The following PPP6R3 variants were observed in gnomAD, a reference collection of about 807,000 sequenced individuals.
PPP6R3 encodes the protein protein phosphatase 6 regulatory subunit 3.
Under a neutral mutation model 110.7 loss-of-function variants are expected in PPP6R3, and 38 were observed. That is an observed-to-expected ratio of 0.34 (90% confidence interval 0.26 to 0.45). The LOEUF is 0.45. Among genes scored for constraint, PPP6R3 ranks in the 20% least tolerant of loss-of-function variants. The pLI is 1.00. For missense variants in PPP6R3, 870 were observed against 1,062.4 expected, an observed-to-expected ratio of 0.82 and a Z score of 2.52; for synonymous variants, 369 against 373.5, an observed-to-expected ratio of 0.99 and a Z score of 0.14.
Position 68,610,085 on chromosome 11 carries a change from G to A in PPP6R3, c.2570+62G>A, listed in dbSNP as rs907307996. On this transcript the variant is annotated intron_variant, in intron 23 of 23. Transcript: ENST00000393800. Reference sequence around the variant, plus strand: ...CCCTGACCTTGCCTGTTGCTTCCTGGGAGTTGGGAGGGGACTATAGGGATC... The same window carrying A: ...CCCTGACCTTGCCTGTTGCTTCCTGAGAGTTGGGAGGGGACTATAGGGATC... The A allele has an allele frequency of 6.9e-6, 11 of 1,589,502 alleles. No individual in the cohort carries two copies. In the African/African-American group the frequency reaches 1.3e-4, roughly 19 times the overall value.
At chr11:68,588,231 G>A (rs1370885317) in intron 16 of PPP6R3, among the ~76,000 whole-genome samples, 1 of 152,112 alleles carries the variant, frequency 6.6e-6, no homozygotes, top group Non-Finnish European at 1.5e-5. Context: ...GGGTGCGGTG[G>A]CTCATGCCTG....
At chr11:68,549,818 T>A (rs1035380192) in intron 5 of PPP6R3, among the ~76,000 whole-genome samples, 12 of 152,132 alleles carry the variant, frequency 7.9e-5, no homozygotes, top group African/African-American at 2.9e-4. Flanking sequence ...AAGGTGTAGG[T>A]TGGGGAAAGG....
chr11:68,609,424 TG>T, intron 22 of PPP6R3: 1 of 741,408 alleles, frequency 1.3e-6, no homozygotes. Flanking sequence ...ATGGTGGGCT[TG>T]GCCCCAAAAG....
chr11:68,609,697 C>G, intron 22 of PPP6R3: 1 of 1,578,010 alleles, frequency 6.3e-7, no homozygotes, highest in Non-Finnish European at 8.7e-7. Context: ...TGTTTTGGTT[C>G]CCACCTGTGT....
chr11:68,559,322 T>C (rs2099410397), intron 8 of PPP6R3, among the ~76,000 whole-genome samples: 1 of 152,264 alleles, frequency 6.6e-6, no homozygotes, highest in African/African-American at 2.4e-5. Context: ...CTTTATAATT[T>C]ATGTCCAGTG....
At position 68,551,292 on chromosome 11, in the gene PPP6R3, A is replaced by T. The variant is rs527748993; in HGVS notation, c.618+106A>T. The T allele has an allele frequency of 2.2e-4, 183 of 822,412 alleles. No homozygotes were observed. The African/African-American group carries it at 3.0e-3, about 14-fold the overall frequency. The allele number at this position is 822,412 out of a possible 1,614,324, so 50.9% of individuals were successfully genotyped here. The stretch of plus-strand genomic sequence containing the variant: ...TTAAATGTGAACATGATCAGAGCAT[A>T]CAGGGAGAATAGCAGCGATCTAGTG... On this transcript the variant is annotated intron_variant, in intron 6 of 23. Transcript: ENST00000393800.
chr11:68,594,915 A>G (rs999224056), intron 18 of PPP6R3, among the ~76,000 whole-genome samples: 1 of 152,238 alleles, frequency 6.6e-6, no homozygotes, highest in African/African-American at 2.4e-5. Flanking sequence ...ATACAGGCCT[A>G]CGCATATATG....
intron 1 of PPP6R3, among the ~76,000 whole-genome samples, chr11:68,502,278 A>G (rs1175971891): frequency 2.0e-5 from 3 of 152,366 alleles, no homozygotes; most frequent in Middle Eastern, 3.4e-3. Flanking sequence ...AGGAAAATTG[A>G]GATGTTTTCA....
At chr11:68,610,451 G>A (rs1430453761) in intron 23 of PPP6R3, among the ~76,000 whole-genome samples, 5 of 152,164 alleles carry the variant, frequency 3.3e-5, no homozygotes, top group African/African-American at 4.8e-5. Flanking sequence ...TGCCCTGTGT[G>A]ACACAAGGAG....
intron 1 of PPP6R3, among the ~76,000 whole-genome samples, chr11:68,477,741 A>AAAAAAATATATATAT: frequency 3.3e-4 from 19 of 57,896 alleles, no homozygotes; most frequent in Non-Finnish European, 5.0e-4. Context: ...AAAAAAAAAA[A>AAAAAAATATATATAT]ATATATATAT....
intron 1 of PPP6R3, among the ~76,000 whole-genome samples, chr11:68,466,475 G>A (rs1004844279): frequency 4.5e-5 from 6 of 132,332 alleles, no homozygotes; most frequent in Non-Finnish European, 7.7e-5. Flanking sequence ...GTCTCGCTCT[G>A]TCACCCAGGC....
chr11:68,582,991 A>G, intron 14 of PPP6R3, 52 bp from the exon 15 acceptor site: 1 of 1,225,878 alleles, frequency 8.2e-7, no homozygotes, highest in Admixed American at 3.0e-5. Context: ...GCTGATACAA[A>G]TGTCCAAAAC....
intron 22 of PPP6R3, among the ~76,000 whole-genome samples, chr11:68,606,778 T>C (rs1356904051): frequency 6.6e-6 from 1 of 152,130 alleles, no homozygotes; most frequent in Non-Finnish European, 1.5e-5. Context: ...GAAAAGGAAA[T>C]AGAGTTATAG....
chr11:68,570,044 A>C (rs1215383774), intron 11 of PPP6R3, 147 bp downstream of exon 11: 1 of 716,368 alleles, frequency 1.4e-6, no homozygotes, highest in East Asian at 2.8e-5. Context: ...TTTCACTTTT[A>C]ACATATAAAT....
intron 16 of PPP6R3, 76 bp from the exon 17 acceptor site, chr11:68,590,584 G>A: frequency 7.1e-7 from 1 of 1,405,006 alleles, no homozygotes; most frequent in Non-Finnish European, 9.5e-7. Flanking sequence ...CTTAAATTTG[G>A]AAACTTTCAT....
chr11:68,539,946 AG>A (rs1424833455), intron 3 of PPP6R3, among the ~76,000 whole-genome samples: 2 of 152,314 alleles, frequency 1.3e-5, no homozygotes, highest in South Asian at 2.1e-4. Context: ...ACATCCAGGC[AG>A]GGGGAACAGC....
intron 10 of PPP6R3, among the ~76,000 whole-genome samples, chr11:68,568,866 G>A (rs944920072): frequency 6.6e-6 from 1 of 151,602 alleles, no homozygotes; most frequent in Non-Finnish European, 1.5e-5. Flanking sequence ...CTGGGTTCAC[G>A]CCATTCTCCT....
intron 10 of PPP6R3, 55 bp from the exon 11 acceptor site, chr11:68,569,693 G>A (rs1028734288): frequency 2.5e-5 from 35 of 1,380,848 alleles, no homozygotes; most frequent in Admixed American, 1.1e-4. Flanking sequence ...ATGTATTTAA[G>A]TATTGGCTTA....
chr11:68,504,760 T>G (rs2099066865), intron 1 of PPP6R3, among the ~76,000 whole-genome samples: 1 of 152,198 alleles, frequency 6.6e-6, no homozygotes, highest in African/African-American at 2.4e-5. Flanking sequence ...CAAACCTTTG[T>G]GAGCTGTGTG....
Sources: gnomAD v4.1 joint callset for allele counts (sites outside exome capture counted in the v4.1 genomes callset) on GRCh38, gnomAD v4.1.1 for gene constraint, MANE v1.5 for transcripts, NCBI Gene and HGNC (gene_info 2026-07-23, HGNC 2026-07-21) for gene names.